ABCA13: variants seen among roughly 807,000 people sequenced by gnomAD.
The protein encoded by ABCA13 is ATP-binding cassette sub-family A member 13.
Under a neutral mutation model 478.7 loss-of-function variants are expected in ABCA13, and 476 were observed. The ratio of observed to expected loss-of-function variants is 0.99; its 90% CI spans 0.92 to 1.07. The LOEUF (loss-of-function observed/expected upper bound fraction) is 1.07, where lower values mean the gene tolerates loss of function less well. ABCA13 is among the 50% of genes least tolerant of loss of function. ABCA13 has a pLI of 0.00. For synonymous variants in ABCA13, 2,252 were observed against 2,158.9 expected, an observed-to-expected ratio of 1.04 and a Z score of -1.20; for missense variants, 6,060 against 5,910.6, an observed-to-expected ratio of 1.03 and a Z score of -0.83.
chr7:48,595,777 C>T (rs190860862), intron 58 of ABCA13, among the ~76,000 whole-genome samples: 165 of 152,270 alleles, frequency 1.1e-3, no homozygotes, highest in African/African-American at 3.9e-3. Flanking sequence ...GAGGAGGTGT[C>T]GCTTCTTCCA....
chr7:48,617,715 C>T lies in ABCA13; in HGVS notation c.14837+2338C>T, dbSNP rs141421894. 5.1e-3 allele frequency among the ~76,000 whole-genome samples: 774 copies of T among 152,216 alleles called. 3 individuals carry two copies. The highest frequency in any genetic ancestry group is 0.018 in the African/African-American group (736 of 41,528). ...TTTAGCTTCTGAATTGCAGTGCTGA[C>T]CTTGACCTCATGAACAGTCGGGAAC... On this transcript the variant is annotated intron_variant, in intron 59 of 61. Coordinates refer to ENST00000435803, the MANE Select transcript of ABCA13 (RefSeq NM_152701.5).
At position 48,239,251 on chromosome 7, in the gene ABCA13, A is replaced by G. The variant is rs753039235; in HGVS notation, c.908A>G (p.Asp303Gly). The G allele has an allele frequency of 3.7e-6, 6 of 1,613,774 alleles. No individual in the cohort carries two copies. The Admixed American group carries it at 1.0e-4, about 27-fold the overall frequency. ...SSAELKEIPT[D>G]TSLEKMVCSV... The stretch of plus-strand genomic sequence containing the variant: ...TCATATTGTTGTCAGATTCCCACAG[A>G]CACTTCCTTGGAGAAGATGGTGTGT... The change falls in exon 9 of 62, where the codon GAC (aspartate) becomes GGC (glycine). Residue 303 changes from aspartate (D) to glycine (G), a missense_variant. By Grantham distance (94) the Asp-to-Gly change is moderately conservative. This residue lies in a region of ABCA13 where 4,423 missense variants were observed against 4,309.1 expected (regional missense o/e 1.03). Transcript: ENST00000435803.
At chr7:48,342,984 C>T (rs1445280999) in intron 29 of ABCA13, among the ~76,000 whole-genome samples, 1 of 152,056 alleles carries the variant, frequency 6.6e-6, no homozygotes, top group African/African-American at 2.4e-5. Context: ...GGACACAATA[C>T]TCACATAAGT....
chr7:48,549,044 T>C (rs1196956996), intron 55 of ABCA13, among the ~76,000 whole-genome samples: 1 of 151,816 alleles, frequency 6.6e-6, no homozygotes, highest in African/African-American at 2.4e-5. Flanking sequence ...ATTTTTTCTT[T>C]ACTTTTTTTA....
chr7:48,472,122 A>T (rs140184177), intron 45 of ABCA13, among the ~76,000 whole-genome samples: 43 of 152,312 alleles, frequency 2.8e-4, no homozygotes, highest in African/African-American at 9.6e-4. Context: ...TGGAAAACTG[A>T]TTGGAACTCA....
At chr7:48,441,144 G>A (rs1436849251) in intron 42 of ABCA13, among the ~76,000 whole-genome samples, 1 of 152,108 alleles carries the variant, frequency 6.6e-6, no homozygotes, top group African/African-American at 2.4e-5. Flanking sequence ...TCCACATGAG[G>A]CCTCAACCTA....
Position 48,269,078 on chromosome 7 carries a change from A to G in ABCA13, c.2104A>G (p.Thr702Ala), listed in dbSNP as rs1217427165. 2.6e-6 allele frequency: 4 copies of G among 1,561,280 alleles called. No homozygotes were observed. The African/African-American group carries it at 4.1e-5, about 16-fold the overall frequency. ...QFLNNLLKSPTASISRALNFT... is the reference protein window; with the variant it reads ...QFLNNLLKSPAASISRALNFT... ...TTTGAATAACTTACTCAAGTCTCCA[A>G]CAGCTTCCATATCCAGGTAAGTTAT... The change falls in exon 16 of 62, where the codon ACA (threonine) becomes GCA (alanine). Residue 702 changes from threonine to alanine, a missense_variant. Thr to Ala is a moderately conservative substitution (Grantham distance 58). Transcript: ENST00000435803.
intron 57 of ABCA13, among the ~76,000 whole-genome samples, chr7:48,591,655 T>G (rs1789759564): frequency 6.6e-6 from 1 of 151,984 alleles, no homozygotes; most frequent in South Asian, 2.1e-4. Flanking sequence ...AATCAAAATG[T>G]TATAGTTTTC....
At chr7:48,487,053 G>A (rs973221178) in intron 47 of ABCA13, among the ~76,000 whole-genome samples, 5 of 152,076 alleles carry the variant, frequency 3.3e-5, no homozygotes, top group African/African-American at 4.8e-5. Context: ...GCTCATGCCT[G>A]TAATCCCAGC....
At chr7:48,252,286 T>A (rs1233175801) in intron 15 of ABCA13, among the ~76,000 whole-genome samples, 1 of 152,180 alleles carries the variant, frequency 6.6e-6, no homozygotes, top group Non-Finnish European at 1.5e-5. Context: ...ATTTCTAAAT[T>A]CAGTTATTCT....
At chr7:48,355,231 G>A (rs560762900) in intron 31 of ABCA13, among the ~76,000 whole-genome samples, 5 of 152,082 alleles carry the variant, frequency 3.3e-5, no homozygotes, top group African/African-American at 4.8e-5. Flanking sequence ...AATTGTTAAT[G>A]TGGATGGGGT....
chr7:48,406,337 C>T (rs1475444294), intron 39 of ABCA13, among the ~76,000 whole-genome samples: 2 of 152,176 alleles, frequency 1.3e-5, no homozygotes, highest in African/African-American at 2.4e-5. Context: ...TGCTTCTGAG[C>T]TTCAGTGTTC....
rs758749091 is a variant in ABCA13, at chr7:48,352,207, G to A, written c.10408G>A (p.Asp3470Asn). The change falls in exon 31 of 62, where the codon GAC (aspartate) becomes AAC (asparagine). Residue 3470 changes from aspartate to asparagine, a missense_variant. Physicochemically the swap from Asp to Asn is conservative, Grantham distance 23. Coordinates refer to ENST00000435803, the MANE Select transcript of ABCA13 (RefSeq NM_152701.5). ...ASIIFSNSLF[D>N]KNFRSESVKL... Reference sequence around the variant, plus strand: ...TATCATTTTCAGCAATTCCTTATTCGACAAGAACTTCAGATCAGAGTCTGT... The same window carrying A: ...TATCATTTTCAGCAATTCCTTATTCAACAAGAACTTCAGATCAGAGTCTGT... The A allele has an allele frequency of 2.9e-5, 47 of 1,604,380 alleles. No homozygotes were observed. In the East Asian group the frequency reaches 4.0e-4, roughly 14 times the overall value.
chr7:48,430,474 GA>G (rs1204982259), intron 42 of ABCA13, among the ~76,000 whole-genome samples: 1 of 152,068 alleles, frequency 6.6e-6, no homozygotes, highest in Non-Finnish European at 1.5e-5. Flanking sequence ...AGGAGATCAA[GA>G]CCAGCCTGGC....
intron 59 of ABCA13, among the ~76,000 whole-genome samples, chr7:48,617,605 T>C (rs1333261601): frequency 6.6e-6 from 1 of 151,886 alleles, no homozygotes; most frequent in Non-Finnish European, 1.5e-5. Context: ...AGAGACCAGC[T>C]CCCCTTGGGA....
intron 55 of ABCA13, among the ~76,000 whole-genome samples, chr7:48,569,610 C>G (rs1050639710): frequency 5.3e-5 from 8 of 151,982 alleles, no homozygotes; most frequent in Non-Finnish European, 8.8e-5. Flanking sequence ...TTGCAACCCC[C>G]ACCTCTCACG....
At chr7:48,184,365 G>A (rs942474189) in intron 1 of ABCA13, among the ~76,000 whole-genome samples, 1 of 152,114 alleles carries the variant, frequency 6.6e-6, no homozygotes, top group African/African-American at 2.4e-5. Context: ...CAAGTCTATG[G>A]CTGGTCTTTT....
intron 9 of ABCA13, among the ~76,000 whole-genome samples, chr7:48,239,767 C>T (rs1790533587): frequency 6.6e-6 from 1 of 152,226 alleles, no homozygotes; most frequent in Admixed American, 6.5e-5. Flanking sequence ...ATCCCTCTAG[C>T]ACTTTAAGCT....
intron 1 of ABCA13, among the ~76,000 whole-genome samples, chr7:48,181,130 A>C (rs773647121): frequency 2.0e-5 from 3 of 152,184 alleles, no homozygotes; most frequent in Non-Finnish European, 4.4e-5. Context: ...CCAGTGTCGT[A>C]TTGTCCTTGA....
Sources: gnomAD v4.1 joint callset for allele counts (sites outside exome capture counted in the v4.1 genomes callset) on GRCh38, gnomAD v4.1.1 for gene constraint, gnomAD v4.1.1 regional missense constraint, MANE v1.5 for transcripts, NCBI Gene and HGNC (gene_info 2026-07-23, HGNC 2026-07-21) for gene names.